The following KHDRBS2 variants were observed in gnomAD, a reference collection of about 807,000 sequenced individuals.
The protein encoded by KHDRBS2 is KH RNA binding domain containing, signal transduction associated 2, also known as KH domain-containing, RNA-binding, signal transduction-associated protein 2.
Under a neutral mutation model 44.3 loss-of-function variants are expected in KHDRBS2, and 26 were observed. That is an observed-to-expected ratio of 0.59 (90% confidence interval 0.43 to 0.81). The LOEUF is 0.81. Among genes scored for constraint, KHDRBS2 ranks in the 40% least tolerant of loss-of-function variants. The pLI is 0.00. For missense variants in KHDRBS2, 476 were observed against 433.1 expected, an observed-to-expected ratio of 1.10 and a Z score of -0.88; for synonymous variants, 194 against 151.1, an observed-to-expected ratio of 1.28 and a Z score of -2.08.
At position 61,680,897 on chromosome 6, in the gene KHDRBS2, G is replaced by A. The variant is rs1456533358; in HGVS notation, c.*66C>T. 12 of 960,672 alleles carry A rather than the reference G, an allele frequency of 1.2e-5. No homozygotes were observed. The highest frequency in any genetic ancestry group is 1.8e-5 in the Non-Finnish European group (11 of 609,108). The allele number at this position is 960,672 out of a possible 1,614,324, so 59.5% of individuals were successfully genotyped here. ...AAAAAGGACTATTACTTGTCTTGTTGCTGTTTATGTGGAGACCACAGGCTA... is the reference window on the plus strand; with the variant it reads ...AAAAAGGACTATTACTTGTCTTGTTACTGTTTATGTGGAGACCACAGGCTA... On this transcript the variant is annotated 3_prime_UTR_variant, in exon 9 of 9. Coordinates refer to ENST00000281156, the MANE Select transcript of KHDRBS2 (RefSeq NM_152688.4).
At chr6:61,789,633 G>A (rs940099879) in intron 6 of KHDRBS2, among the ~76,000 whole-genome samples, 10 of 151,382 alleles carry the variant, frequency 6.6e-5, no homozygotes, top group Non-Finnish European at 1.0e-4. Context: ...CAAAAAACAG[G>A]CTTTGGGGTG....
chr6:62,109,817 A>G (rs1804582965), intron 2 of KHDRBS2, among the ~76,000 whole-genome samples: 1 of 151,780 alleles, frequency 6.6e-6, no homozygotes, highest in South Asian at 2.1e-4. Context: ...AAAGAGGGAG[A>G]GAAGGAAAGG....
chr6:61,629,339 A>G, the KHDRBS2 span, among the ~76,000 whole-genome samples: 8 of 152,334 alleles, frequency 5.3e-5, no homozygotes, highest in Middle Eastern at 6.8e-3. Context: ...TTTAAGCAAT[A>G]TAACATTTTC....
At chr6:61,927,468 G>A (rs1809194923) in intron 4 of KHDRBS2, among the ~76,000 whole-genome samples, 1 of 152,132 alleles carries the variant, frequency 6.6e-6, no homozygotes, top group Admixed American at 6.6e-5. Context: ...AAAAAGTGGT[G>A]CTTGGTACCC....
chr6:61,954,607 C>T (rs1289291899), intron 4 of KHDRBS2, among the ~76,000 whole-genome samples: 5 of 135,268 alleles, frequency 3.7e-5, no homozygotes, highest in South Asian at 4.5e-4. Context: ...CACATACATA[C>T]TTATGTATAC....
chr6:62,103,828 A>C lies in KHDRBS2; in HGVS notation c.220-55834T>G, dbSNP rs1802494447. ...GAAACAAGACTGATACCAGTAGTGA[A>C]AGAAATAAAATTGTCAGCCTATAAT... On this transcript the variant is annotated intron_variant, in intron 2 of 8. Coordinates refer to ENST00000281156, the MANE Select transcript of KHDRBS2 (RefSeq NM_152688.4). 1.3e-5 allele frequency among the ~76,000 whole-genome samples: 2 copies of C among 152,206 alleles called. 1 individual carries two copies. The highest frequency in any genetic ancestry group is 4.1e-4 in the South Asian group (2 of 4,832).
intron 1 of KHDRBS2, among the ~76,000 whole-genome samples, chr6:62,231,169 G>C (rs1375171780): frequency 6.6e-6 from 1 of 152,134 alleles, no homozygotes; most frequent in Non-Finnish European, 1.5e-5. Context: ...AGATCCAAAT[G>C]TACACACAAA....
At chr6:61,926,117 A>T (rs1808924310) in intron 4 of KHDRBS2, among the ~76,000 whole-genome samples, 1 of 152,206 alleles carries the variant, frequency 6.6e-6, no homozygotes, top group Non-Finnish European at 1.5e-5. Context: ...TATAGAAGAA[A>T]GTCTGAGGGC....
At chr6:61,748,175 G>C (rs929116552) in intron 6 of KHDRBS2, among the ~76,000 whole-genome samples, 4 of 152,096 alleles carry the variant, frequency 2.6e-5, no homozygotes, top group African/African-American at 4.8e-5. Flanking sequence ...ATTTTTAGTA[G>C]AGACGGGGTT....
At chr6:61,605,941 C>T in the KHDRBS2 span, among the ~76,000 whole-genome samples, 1 of 152,104 alleles carries the variant, frequency 6.6e-6, no homozygotes, top group African/African-American at 2.4e-5. Flanking sequence ...CTGTTCCTGC[C>T]TTAACTGATG....
chr6:61,856,679 A>T (rs1414131610), intron 6 of KHDRBS2, among the ~76,000 whole-genome samples: 1 of 151,900 alleles, frequency 6.6e-6, no homozygotes, highest in Non-Finnish European at 1.5e-5. Flanking sequence ...GTCTGTTTCC[A>T]GGTTACTGAG....
the KHDRBS2 span, among the ~76,000 whole-genome samples, chr6:61,570,836 G>A: frequency 6.6e-6 from 1 of 152,038 alleles, no homozygotes; most frequent in African/African-American, 2.4e-5. Context: ...CATAAACAAA[G>A]GAGAGATAAA....
At chr6:61,990,323 G>A (rs1263378262) in intron 3 of KHDRBS2, among the ~76,000 whole-genome samples, 1 of 152,122 alleles carries the variant, frequency 6.6e-6, no homozygotes, top group Non-Finnish European at 1.5e-5. Flanking sequence ...GTAGACCCAG[G>A]AAAGTTAATA....
chr6:61,544,627 G>A, the KHDRBS2 span, among the ~76,000 whole-genome samples: 4 of 152,092 alleles, frequency 2.6e-5, no homozygotes, highest in African/African-American at 4.8e-5. Context: ...CTGAATGAAA[G>A]ATTTCCTGGG....
At chr6:62,047,256 A>G (rs1461601991) in intron 3 of KHDRBS2, among the ~76,000 whole-genome samples, 1 of 151,960 alleles carries the variant, frequency 6.6e-6, no homozygotes, top group Non-Finnish European at 1.5e-5. Context: ...GAATTCTAAC[A>G]CTGAGAAAAT....
At chr6:62,106,164 C>T (rs908846609) in intron 2 of KHDRBS2, among the ~76,000 whole-genome samples, 1 of 152,000 alleles carries the variant, frequency 6.6e-6, no homozygotes, top group African/African-American at 2.4e-5. Flanking sequence ...AATTTCTGTT[C>T]TTTTACATTT....
chr6:61,993,508 A>C (rs2127251117), intron 3 of KHDRBS2, among the ~76,000 whole-genome samples: 1 of 151,522 alleles, frequency 6.6e-6, no homozygotes, highest in South Asian at 2.1e-4. Context: ...TCTTCTGAGC[A>C]TATCCCCCTC....
At chr6:62,014,992 G>A (rs192588845) in intron 3 of KHDRBS2, among the ~76,000 whole-genome samples, 6 of 152,210 alleles carry the variant, frequency 3.9e-5, no homozygotes, top group African/African-American at 9.6e-5. Flanking sequence ...CAAACCATAC[G>A]TGGAAGGTAT....
At chr6:61,924,005 G>T (rs1254657272) in intron 4 of KHDRBS2, among the ~76,000 whole-genome samples, 1 of 151,932 alleles carries the variant, frequency 6.6e-6, no homozygotes, top group Non-Finnish European at 1.5e-5. Context: ...TTATTTACTA[G>T]CAATGAACAA....
Sources: gnomAD v4.1 joint callset for allele counts (sites outside exome capture counted in the v4.1 genomes callset) on GRCh38, gnomAD v4.1.1 for gene constraint, MANE v1.5 for transcripts, NCBI Gene and HGNC (gene_info 2026-07-23, HGNC 2026-07-21) for gene names.